The following CACNB4 variants were observed in gnomAD, a reference collection of about 807,000 sequenced individuals.
The protein encoded by CACNB4 is calcium voltage-gated channel auxiliary subunit beta 4.
In CACNB4, 32 loss-of-function variants were observed where a neutral mutation model predicts 71.2. The ratio of observed to expected loss-of-function variants is 0.45; its 90% confidence interval spans 0.34 to 0.60. The LOEUF (loss-of-function observed/expected upper bound fraction) is 0.60. CACNB4 is among the 20% of genes least tolerant of loss of function. The pLI, the probability that CACNB4 is intolerant of heterozygous loss-of-function variation, is 0.01. For missense variants in CACNB4, 464 were observed against 647.9 expected, an observed-to-expected ratio of 0.72 and a Z score of 3.08; for synonymous variants, 231 against 236.9, an observed-to-expected ratio of 0.97 and a Z score of 0.23.
At chr2:151,933,375 T>C (rs1020955963) in intron 2 of CACNB4, among the ~76,000 whole-genome samples, 2 of 151,992 alleles carry the variant, frequency 1.3e-5, no homozygotes, top group African/African-American at 2.4e-5. Context: ...TGACCATGTC[T>C]CACTTTACAA....
chr2:152,025,510 T>C (rs1170430337), intron 2 of CACNB4, among the ~76,000 whole-genome samples: 2 of 152,220 alleles, frequency 1.3e-5, no homozygotes, highest in Admixed American at 1.3e-4. Context: ...ATATGCATTG[T>C]GCCTTAAATG....
chr2:151,920,585 T>C (rs934932169), intron 2 of CACNB4, among the ~76,000 whole-genome samples: 2 of 152,054 alleles, frequency 1.3e-5, no homozygotes, highest in Non-Finnish European at 2.9e-5. Flanking sequence ...CACCTTGTCC[T>C]CCCAAAGTGC....
chr2:151,848,731 CA>C (rs1223841982), intron 12 of CACNB4, among the ~76,000 whole-genome samples: 1 of 152,182 alleles, frequency 6.6e-6, no homozygotes, highest in Non-Finnish European at 1.5e-5. Context: ...ACAGCTCAAA[CA>C]GCCACAGGGT....
rs1392997470 is a variant in CACNB4 at position 151,910,225 on chromosome 2, G to A, written c.148-26855C>T. Reference sequence around the variant, plus strand: ...TATCCTTTGCCCACTTTTTCGTGGGGTTTTTCTTGTAAATATGTTTAAGTT... The same window carrying A: ...TATCCTTTGCCCACTTTTTCGTGGGATTTTTCTTGTAAATATGTTTAAGTT... On this transcript the variant is annotated intron_variant, in intron 2 of 13. Transcript: ENST00000539935. Among the ~76,000 whole-genome samples the A allele has an allele frequency of 3.3e-5, 5 of 151,872 alleles. No individual in the cohort carries two copies. In the East Asian group the frequency reaches 9.7e-4, roughly 29 times the overall value.
intron 2 of CACNB4, among the ~76,000 whole-genome samples, chr2:152,083,429 G>A (rs918634822): frequency 1.3e-5 from 2 of 152,130 alleles, no homozygotes; most frequent in East Asian, 3.9e-4. Context: ...TTATTCTGCT[G>A]GAACTATTGT....
intron 2 of CACNB4, among the ~76,000 whole-genome samples, chr2:152,058,644 A>G (rs1021770674): frequency 4.6e-5 from 7 of 152,222 alleles, no homozygotes; most frequent in Non-Finnish European, 8.8e-5. Context: ...GCAGAGCATA[A>G]AAGTTTGGAA....
At chr2:151,994,673 C>T (rs1681940298) in intron 2 of CACNB4, among the ~76,000 whole-genome samples, 1 of 152,234 alleles carries the variant, frequency 6.6e-6, no homozygotes, top group African/African-American at 2.4e-5. Context: ...CCCTTTTCTA[C>T]AGGCTGCCTC....
rs953138034 is a variant in CACNB4, at chr2:151,835,986, T to G, written c.*3133A>C. ...GACCATCATCTAAATTGTGAACAAT[T>G]TCAACCTTCTCTCCAATAGAACTGT... is the stretch of plus-strand genomic sequence containing the variant. On this transcript the variant is annotated 3_prime_UTR_variant, in exon 14 of 14. Transcript: ENST00000539935. 6.6e-6 allele frequency: 1 copy of G among 151,840 alleles called. No homozygotes were observed. Among genetic ancestry groups the G allele is most frequent in the Non-Finnish European group, 1.5e-5 (1 of 67,726 alleles). 9.4% of individuals were successfully genotyped at this position (151,840 alleles called of 1,614,324 possible). A position where few individuals can be genotyped will look rare whatever the true frequency, so the allele number is the denominator to read the frequency against.
Position 152,080,346 on chromosome 2 carries a change from C to A in CACNB4, c.147+17984G>T, listed in dbSNP as rs568032037. On this transcript the variant is annotated intron_variant, in intron 2 of 13. Transcript: ENST00000539935. ...CTATGTTAGTCAGGATGGTCTTGAA[C>A]TCCTGACCTCGTGATCCCCCTGCCT... 2.8e-3 allele frequency among the ~76,000 whole-genome samples: 425 copies of A among 152,238 alleles called. 1 individual carries two copies. The highest frequency in any genetic ancestry group is 9.3e-3 in the African/African-American group (386 of 41,532).
At chr2:151,870,098 A>G in intron 8 of CACNB4, 1 of 601,238 alleles carries the variant, frequency 1.7e-6, no homozygotes, top group Non-Finnish European at 2.9e-6. Context: ...GGCATATGCC[A>G]TCATCTTAAA....
chr2:151,943,166 T>C (rs191581168), intron 2 of CACNB4, among the ~76,000 whole-genome samples: 2 of 152,336 alleles, frequency 1.3e-5, no homozygotes, highest in South Asian at 2.1e-4. Context: ...TGATATGTGA[T>C]GTCACCTCCG....
At chr2:152,029,811 G>A (rs1285416726) in intron 2 of CACNB4, among the ~76,000 whole-genome samples, 1 of 152,192 alleles carries the variant, frequency 6.6e-6, no homozygotes, top group Non-Finnish European at 1.5e-5. Context: ...AGGACACAGT[G>A]AGAAGAAGGC....
intron 2 of CACNB4, among the ~76,000 whole-genome samples, chr2:152,036,601 TA>T (rs1312791628): frequency 6.6e-6 from 1 of 152,160 alleles, no homozygotes; most frequent in Non-Finnish European, 1.5e-5. Flanking sequence ...GCCTGGCCAG[TA>T]AATTTTATGT....
At chr2:152,023,286 G>A (rs183544884) in intron 2 of CACNB4, among the ~76,000 whole-genome samples, 1 of 152,086 alleles carries the variant, frequency 6.6e-6, no homozygotes, top group East Asian at 1.9e-4. Flanking sequence ...CCCTCAACAC[G>A]TGGGGATTAT....
chr2:151,926,413 A>G (rs954061140), intron 2 of CACNB4, among the ~76,000 whole-genome samples: 5 of 152,208 alleles, frequency 3.3e-5, no homozygotes, highest in Non-Finnish European at 7.3e-5. Context: ...ATGGGGGCAA[A>G]AGCCTGATCA....
At chr2:151,999,353 T>A (rs1682264178) in intron 2 of CACNB4, among the ~76,000 whole-genome samples, 1 of 149,260 alleles carries the variant, frequency 6.7e-6, no homozygotes, top group East Asian at 1.9e-4. Flanking sequence ...TGGTACCTTA[T>A]TCTGTCTGCC....
At chr2:151,958,122 G>A (rs947362378) in intron 2 of CACNB4, among the ~76,000 whole-genome samples, 10 of 152,232 alleles carry the variant, frequency 6.6e-5, no homozygotes, top group African/African-American at 1.7e-4. Context: ...ATCAACAGGC[G>A]CATAAATTAA....
intron 2 of CACNB4, among the ~76,000 whole-genome samples, chr2:152,064,317 T>A (rs1686179744): frequency 6.6e-6 from 1 of 152,246 alleles, no homozygotes; most frequent in Non-Finnish European, 1.5e-5. Flanking sequence ...ATTTCCATAT[T>A]CAAATCTATA....
chr2:151,915,610 A>C (rs985428732), intron 2 of CACNB4, among the ~76,000 whole-genome samples: 1 of 152,192 alleles, frequency 6.6e-6, no homozygotes, highest in African/African-American at 2.4e-5. Flanking sequence ...TGGGAGGCCG[A>C]GGCGGGTGGA....
Sources: gnomAD v4.1 joint callset for allele counts (sites outside exome capture counted in the v4.1 genomes callset) on GRCh38, gnomAD v4.1.1 for gene constraint, MANE v1.5 for transcripts, NCBI Gene and HGNC (gene_info 2026-07-23, HGNC 2026-07-21) for gene names.